TENM2: variants seen among roughly 807,000 people sequenced by gnomAD.
The protein encoded by TENM2 is teneurin transmembrane protein 2, also known as teneurin-2.
A neutral mutation model predicts 245.2 loss-of-function variants in TENM2; 52 were observed. The ratio of observed to expected loss-of-function variants is 0.21; its 90% confidence interval spans 0.17 to 0.27. TENM2 has a LOEUF of 0.27. TENM2 is among the 10% of genes least tolerant of loss of function. The probability of loss-of-function intolerance (pLI) is 1.00; values close to 1 mark genes in which losing one functional copy is unlikely to be tolerated. For synonymous variants in TENM2, 1,363 were observed against 1,438.9 expected (o/e 0.95, Z 1.19); for missense variants, 3,046 against 3,666.8 (o/e 0.83, Z 4.37).
At chr5:167,851,144 A>T (rs1245030753) in intron 2 of TENM2, among the ~76,000 whole-genome samples, 1 of 151,896 alleles carries the variant, frequency 6.6e-6, no homozygotes, top group Non-Finnish European at 1.5e-5. Context: ...TGTTGATTGG[A>T]GTAAGTGGAA....
chr5:167,550,285 C>T (rs1056740445), intron 2 of TENM2, among the ~76,000 whole-genome samples: 3 of 152,222 alleles, frequency 2.0e-5, no homozygotes, highest in Non-Finnish European at 4.4e-5. Context: ...CGCTGTACTA[C>T]TGAAGCATAT....
chr5:168,187,540 C>T (rs1760579550), intron 13 of TENM2: 1 of 152,158 alleles, frequency 6.6e-6, no homozygotes, highest in African/African-American at 2.4e-5. Context: ...TTCTTCTCAC[C>T]TGAGAAGCTT....
Position 168,083,338 on chromosome 5 carries a change from G to A in TENM2, c.1516-7236G>A, listed in dbSNP as rs144769231. On this transcript the variant is annotated intron_variant, in intron 7 of 28. Coordinates refer to ENST00000518659, the Ensembl canonical transcript of TENM2. ...AGGGTGGGAGTGTCCTGATTTTCCA[G>A]GTACCATCTGTCATGGCTTCCCTTG... 3.1e-3 allele frequency among the ~76,000 whole-genome samples: 479 copies of A among 152,294 alleles called. 2 individuals are homozygous for A. The highest frequency in any genetic ancestry group is 0.011 in the African/African-American group (460 of 41,570).
At chr5:168,248,418 C>G in intron 27 of TENM2, 47 bp downstream of exon 29, 2 of 1,558,346 alleles carry the variant, frequency 1.3e-6, no homozygotes, top group Non-Finnish European at 1.7e-6. Flanking sequence ...CTCCAGGGTA[C>G]TTGTTGCTGT....
chr5:168,212,449 C>A (rs746566320), intron 20 of TENM2, among the ~76,000 whole-genome samples: 28 of 152,304 alleles, frequency 1.8e-4, no homozygotes, highest in Non-Finnish European at 3.5e-4. Context: ...ATAGTGTGAG[C>A]TTTCTTAAGG....
chr5:167,377,973 A>G (rs1422460411), intron 2 of TENM2, among the ~76,000 whole-genome samples: 1 of 152,124 alleles, frequency 6.6e-6, no homozygotes, highest in East Asian at 1.9e-4. Flanking sequence ...ATACTTTGAG[A>G]AAGAAGCTCT....
chr5:167,860,057 TGG>T (rs1181706402), intron 2 of TENM2, among the ~76,000 whole-genome samples: 2 of 29,816 alleles, frequency 6.7e-5, no homozygotes, highest in African/African-American at 1.2e-4. Context: ...GGGAGGGAGG[TGG>T]GGGGGGGTCA....
Position 168,246,652 on chromosome 5 carries a change from T to C in TENM2, c.5818-105T>C, listed in dbSNP as rs1766601233. The C allele has an allele frequency of 2.6e-6, 3 of 1,140,276 alleles. No individual in the cohort carries two copies. In the East Asian group the frequency reaches 7.1e-5, roughly 27 times the overall value. 70.6% of individuals were successfully genotyped at this position (1,140,276 alleles called of 1,614,324 possible). Reference sequence around the variant, plus strand: ...TCTGGTCTAAGCTTCCCATCTTTCATGACTTTTGAGTTGACATTTGGGGAA... The same window carrying C: ...TCTGGTCTAAGCTTCCCATCTTTCACGACTTTTGAGTTGACATTTGGGGAA... On this transcript the variant is annotated intron_variant, in intron 26 of 28. Coordinates refer to ENST00000518659, the Ensembl canonical transcript of TENM2.
chr5:167,669,336 G>A (rs1755778186), intron 2 of TENM2, among the ~76,000 whole-genome samples: 1 of 148,898 alleles, frequency 6.7e-6, no homozygotes, highest in Non-Finnish European at 1.5e-5. Context: ...ATTAGAAAAT[G>A]TTCATTTAAT....
intron 6 of TENM2, among the ~76,000 whole-genome samples, chr5:168,058,934 T>G (rs1258279213): frequency 6.6e-6 from 1 of 152,074 alleles, no homozygotes; most frequent in Non-Finnish European, 1.5e-5. Flanking sequence ...AAAAAAGGAC[T>G]GGAAATCCAG....
At chr5:167,818,638 G>T (rs150444388) in intron 2 of TENM2, among the ~76,000 whole-genome samples, 1 of 152,234 alleles carries the variant, frequency 6.6e-6, no homozygotes, top group Non-Finnish European at 1.5e-5. Flanking sequence ...AGCACTCAGG[G>T]CAGTGAGGGT....
At chr5:168,068,556 A>G (rs1360228283) in intron 7 of TENM2, among the ~76,000 whole-genome samples, 1 of 152,148 alleles carries the variant, frequency 6.6e-6, no homozygotes, top group Non-Finnish European at 1.5e-5. Context: ...ACATGTATAA[A>G]TATATATGTG....
the TENM2 span, among the ~76,000 whole-genome samples, chr5:167,247,283 C>G: frequency 6.6e-6 from 1 of 152,100 alleles, no homozygotes; most frequent in Non-Finnish European, 1.5e-5. Flanking sequence ...CCATTTGACT[C>G]CTGAGTTCAC....
At chr5:167,947,933 G>T (rs150311810) in intron 3 of TENM2, among the ~76,000 whole-genome samples, 393 of 152,150 alleles carry the variant, frequency 2.6e-3, no homozygotes, top group African/African-American at 9.2e-3. Context: ...AGACTATGGC[G>T]CAAGACAAGC....
intron 2 of TENM2, among the ~76,000 whole-genome samples, chr5:167,534,427 T>G (rs1771715604): frequency 6.6e-6 from 1 of 152,174 alleles, no homozygotes; most frequent in African/African-American, 2.4e-5. Flanking sequence ...ATTTGCAGAT[T>G]TAGCAAATAA....
chr5:167,515,977 G>T (rs964830358), intron 2 of TENM2, among the ~76,000 whole-genome samples: 5 of 152,094 alleles, frequency 3.3e-5, no homozygotes, highest in Non-Finnish European at 7.4e-5. Flanking sequence ...ACCAGTCTTT[G>T]CTGTGAAGTA....
At chr5:167,934,732 C>T (rs552186778) in intron 3 of TENM2, 1 of 295,170 alleles carries the variant, frequency 3.4e-6, no homozygotes, top group Non-Finnish European at 5.0e-6. Flanking sequence ...ATACCAATAT[C>T]GCTCGAACCT....
intron 3 of TENM2, among the ~76,000 whole-genome samples, chr5:167,886,352 C>T (rs968420218): frequency 6.6e-6 from 1 of 152,012 alleles, no homozygotes; most frequent in Non-Finnish European, 1.5e-5. Flanking sequence ...CATCATTTAC[C>T]GCATGGCCCA....
intron 5 of TENM2, among the ~76,000 whole-genome samples, chr5:168,030,552 T>C (rs908472713): frequency 7.2e-5 from 11 of 152,148 alleles, no homozygotes; most frequent in African/African-American, 2.7e-4. Context: ...TCTCAGGGGA[T>C]GCTGATTCTG....
Sources: allele counts gnomAD v4.1 joint callset (sites outside exome capture counted in the v4.1 genomes callset), GRCh38; gene constraint gnomAD v4.1.1; transcripts MANE v1.5; gene names NCBI Gene and HGNC (gene_info 2026-07-23, HGNC 2026-07-21).